Variants in CDHR3 observed in about 807,000 individuals in gnomAD.
The protein encoded by CDHR3 is cadherin related family member 3.
In CDHR3, 79 loss-of-function variants were observed where a neutral mutation model predicts 86.6. The ratio of observed to expected loss-of-function variants is 0.91; its 90% CI spans 0.76 to 1.10. CDHR3 has a LOEUF of 1.10. CDHR3 is among the 50% of genes least tolerant of loss of function. The pLI is 0.00. For missense variants in CDHR3, 1,081 were observed against 1,077.6 expected (o/e 1.00, Z -0.04); for synonymous variants, 421 against 402.4 (o/e 1.05, Z -0.55).
At chr7:106,028,991 T>C (rs1837908489) in intron 17 of CDHR3, among the ~76,000 whole-genome samples, 1 of 149,052 alleles carries the variant, frequency 6.7e-6, no homozygotes, top group African/African-American at 2.5e-5. Flanking sequence ...TTTCTTTCTT[T>C]CTTTTTAAGA....
intron 11 of CDHR3, among the ~76,000 whole-genome samples, chr7:106,017,564 G>GAC (rs539661927): frequency 0.33 from 42,799 of 130,324 alleles, 6,546 homozygotes; most frequent in Middle Eastern, 0.42. Flanking sequence ...GTCACACACA[G>GAC]ACACACACAC....
Position 106,030,740 on chromosome 7 carries a change from T to C in CDHR3, c.2305-52T>C. On this transcript the variant is annotated intron_variant, in intron 17 of 18. Transcript: ENST00000317716. The surrounding 1 kb of genome is among the most constrained non-coding windows in gnomAD (Gnocchi z 4.8). Reference sequence around the variant, plus strand: ...GGTTGTGAGGATGTGTAGCTTTGCCTGGGGGAAGGAATGTAGGATTGTGTT... The same window carrying C: ...GGTTGTGAGGATGTGTAGCTTTGCCCGGGGGAAGGAATGTAGGATTGTGTT... 14 of 1,564,868 alleles carry C rather than the reference T, an allele frequency of 8.9e-6. No homozygotes were observed. Among genetic ancestry groups the C allele is most frequent in the Non-Finnish European group, 1.2e-5 (14 of 1,145,486 alleles).
chr7:106,010,678 C>G (rs1834663993), intron 8 of CDHR3, among the ~76,000 whole-genome samples: 1 of 152,190 alleles, frequency 6.6e-6, no homozygotes, highest in African/African-American at 2.4e-5. Flanking sequence ...AAGAAGGGAA[C>G]AGAGTTTGGT....
Position 106,012,887 on chromosome 7 carries a change from G to A in CDHR3, c.1080G>A (p.Lys360=), listed in dbSNP as rs1245472172. ...FSIMVPERTA[K]GTLLLDLNKF... ...TTATGGTGCCGGAAAGAACAGCCAA[G>A]GGGACGTTGCTTCTTGACCTAAACA... The change falls in exon 9 of 19, where the codon AAG becomes AAA. Residue 360 remains lysine (K), a synonymous_variant. Coordinates refer to ENST00000317716, the MANE Select transcript of CDHR3 (RefSeq NM_152750.5). 2 of 1,610,732 alleles carry A rather than the reference G, an allele frequency of 1.2e-6. No homozygotes were observed. The highest frequency in any genetic ancestry group is 1.7e-6 in the Non-Finnish European group (2 of 1,178,678).
intron 13 of CDHR3, among the ~76,000 whole-genome samples, chr7:106,021,288 C>T (rs552016363): frequency 6.6e-6 from 1 of 152,216 alleles, no homozygotes; most frequent in South Asian, 2.1e-4. Context: ...AAAATCCATC[C>T]CTGCTGCCTG....
intron 8 of CDHR3, among the ~76,000 whole-genome samples, chr7:106,008,353 G>T (rs1585736549): frequency 6.6e-6 from 1 of 152,256 alleles, no homozygotes; most frequent in East Asian, 1.9e-4. Context: ...CCCAAAAGCA[G>T]CTCTCTGTCG....
chr7:106,023,793 C>T (rs922009170), intron 14 of CDHR3, among the ~76,000 whole-genome samples: 6 of 152,226 alleles, frequency 3.9e-5, no homozygotes, highest in Non-Finnish European at 7.3e-5. Flanking sequence ...CTGGTAGGCT[C>T]TCCTGAGTGA....
intron 11 of CDHR3, among the ~76,000 whole-genome samples, chr7:106,016,736 G>T (rs1835687164): frequency 6.6e-6 from 1 of 152,204 alleles, no homozygotes; most frequent in Admixed American, 6.5e-5. Context: ...TTCTCTTTAG[G>T]ATGGTCTCCA....
intron 12 of CDHR3, among the ~76,000 whole-genome samples, chr7:106,020,036 T>C (rs1193304454): frequency 7.0e-6 from 1 of 143,844 alleles, no homozygotes; most frequent in Non-Finnish European, 1.5e-5. Context: ...TCCAGGTGCA[T>C]GTGTGTGTGT....
rs978961339 is a variant in CDHR3, at chr7:106,035,744, G to C, written c.*3047G>C. 1 of 152,136 alleles carries C rather than the reference G, an allele frequency of 6.6e-6. No homozygotes were observed. Among genetic ancestry groups the C allele is most frequent in the African/African-American group, 2.4e-5 (1 of 41,434 alleles). The allele number at this position is 152,136 out of a possible 1,614,324, so 9.4% of individuals were successfully genotyped here. ...GCAACCAATCAGAGACTGAAGTGGA[G>C]TTACAAAGGTCACGCTCCTGTGCAA... On this transcript the variant is annotated 3_prime_UTR_variant, in exon 19 of 19. Transcript: ENST00000317716.
Position 106,032,737 on chromosome 7 carries a change from GC to G in CDHR3, c.*42del. 6.4e-7 allele frequency: 1 copy of G among 1,558,520 alleles called. No homozygotes were observed. The highest frequency in any genetic ancestry group is 1.2e-5 in the South Asian group (1 of 83,018). ...GGGGCCTGTCAATCACTGAGATGCT[GC>G]CTCACCCTAAATTCTATGGGGATGG... On this transcript the variant is annotated 3_prime_UTR_variant, in exon 19 of 19. Transcript: ENST00000317716.
intron 4 of CDHR3, among the ~76,000 whole-genome samples, chr7:105,985,719 GAATA>G (rs1190073743): frequency 6.6e-6 from 1 of 151,966 alleles, no homozygotes; most frequent in Non-Finnish European, 1.5e-5. Context: ...ATATTTGCAT[GAATA>G]AATGAATATG....
chr7:105,990,311 A>C (rs895655088), intron 4 of CDHR3, among the ~76,000 whole-genome samples: 8 of 152,184 alleles, frequency 5.3e-5, no homozygotes, highest in Admixed American at 2.0e-4. Flanking sequence ...CATCCTCAGA[A>C]CAATGAACCA....
In CDHR3 at chr7:105,981,127, G is replaced by A. The variant is rs1238932119; in HGVS notation, c.409G>A (p.Ala137Thr). Residue 137 changes from alanine (A) to threonine (T), a missense_variant, in exon 3 of 19, where the codon GCA becomes ACA. Ala to Thr is a moderately conservative substitution (Grantham distance 58, BLOSUM62 0). Coordinates refer to ENST00000317716, the MANE Select transcript of CDHR3 (RefSeq NM_152750.5). The part of the protein sequence containing the change: ...NEPPQFQGNL[A>T]EGLHLYIVER... ...GCCACCTCAGTTTCAAGGCAACTTGGCAGAAGGTAGGATACACCAGGATGT... is the reference window on the plus strand; with the variant it reads ...GCCACCTCAGTTTCAAGGCAACTTGACAGAAGGTAGGATACACCAGGATGT... 1.2e-6 allele frequency: 2 copies of A among 1,613,308 alleles called. No individual in the cohort carries two copies. The highest frequency in any genetic ancestry group is 1.3e-5 in the African/African-American group (1 of 74,922).
intron 1 of CDHR3, among the ~76,000 whole-genome samples, chr7:105,963,654 G>A (rs1203490883): frequency 6.6e-6 from 1 of 152,202 alleles, no homozygotes; most frequent in African/African-American, 2.4e-5. Flanking sequence ...GAGATTTAAG[G>A]TTGGGAAAAT....
intron 1 of CDHR3, among the ~76,000 whole-genome samples, chr7:105,971,344 A>T (rs1827944914): frequency 6.6e-6 from 1 of 152,180 alleles, no homozygotes; most frequent in Non-Finnish European, 1.5e-5. Context: ...CAGAAAGGGC[A>T]TATCCAAGGA....
chr7:105,968,487 A>G (rs929869688), intron 1 of CDHR3, among the ~76,000 whole-genome samples: 2 of 151,864 alleles, frequency 1.3e-5, no homozygotes, highest in Admixed American at 6.6e-5. Flanking sequence ...CAGCCTCCCA[A>G]GTAGCTGGGA....
intron 8 of CDHR3, among the ~76,000 whole-genome samples, chr7:106,011,798 G>A (rs1211770982): frequency 6.6e-6 from 1 of 152,186 alleles, no homozygotes; most frequent in East Asian, 1.9e-4. Context: ...GGGCTTGATC[G>A]GAAGGCTCTG....
chr7:105,976,614 C>G (rs577552852), intron 2 of CDHR3, among the ~76,000 whole-genome samples: 1 of 152,172 alleles, frequency 6.6e-6, no homozygotes, highest in Non-Finnish European at 1.5e-5. Flanking sequence ...CTCAGCTATT[C>G]CCTTATCCCT....
Sources: allele counts gnomAD v4.1 joint callset (sites outside exome capture counted in the v4.1 genomes callset), GRCh38; gene constraint gnomAD v4.1.1; non-coding constraint Gnocchi (gnomAD v3.1); transcripts MANE v1.5; gene names NCBI Gene and HGNC (gene_info 2026-07-23, HGNC 2026-07-21).